HS6ST3: variants seen among roughly 807,000 people sequenced by gnomAD.
HS6ST3 encodes heparan-sulfate 6-O-sulfotransferase 3.
Under a neutral mutation model 36.7 loss-of-function variants are expected in HS6ST3, and 12 were observed. The ratio of observed to expected loss-of-function variants is 0.33; its 90% CI spans 0.21 to 0.53. The LOEUF is 0.53. HS6ST3 is among the 20% of genes least tolerant of loss of function. The pLI is 0.95. For synonymous variants in HS6ST3, 240 were observed against 257.5 expected, an observed-to-expected ratio of 0.93 and a Z score of 0.65; for missense variants, 584 against 640.9, an observed-to-expected ratio of 0.91 and a Z score of 0.96.
intron 1 of HS6ST3, among the ~76,000 whole-genome samples, chr13:96,540,200 C>A (rs9584376): frequency 0.094 from 14,336 of 152,246 alleles, 1,327 homozygotes; most frequent in African/African-American, 0.24. Context: ...TACTACCCAC[C>A]TAACTCTTTG....
At chr13:96,343,356 A>G (rs1318202327) in intron 1 of HS6ST3, among the ~76,000 whole-genome samples, 65 of 152,184 alleles carry the variant, frequency 4.3e-4, no homozygotes, top group Admixed American at 4.1e-3. Flanking sequence ...TGCCTTACCC[A>G]GCTTCTAGAG....
At chr13:96,468,683 A>G (rs1175313688) in intron 1 of HS6ST3, among the ~76,000 whole-genome samples, 2 of 152,206 alleles carry the variant, frequency 1.3e-5, no homozygotes, top group African/African-American at 4.8e-5. Context: ...ATAAACAACA[A>G]GAGAAATCTA....
At chr13:96,682,215 A>G (rs1449220824) in intron 1 of HS6ST3, among the ~76,000 whole-genome samples, 5 of 152,154 alleles carry the variant, frequency 3.3e-5, no homozygotes, top group Non-Finnish European at 7.4e-5. Context: ...ACATGCCTAT[A>G]TGCTTTTGTA....
chr13:96,454,915 A>G (rs2055747590), intron 1 of HS6ST3, among the ~76,000 whole-genome samples: 2 of 150,872 alleles, frequency 1.3e-5, no homozygotes, highest in Admixed American at 6.6e-5. Context: ...GCCAAGCAGA[A>G]GAGTATACAA....
chr13:96,532,293 T>A (rs1174024596), intron 1 of HS6ST3, among the ~76,000 whole-genome samples: 1 of 152,264 alleles, frequency 6.6e-6, no homozygotes, highest in Non-Finnish European at 1.5e-5. Context: ...CCTGCAACTG[T>A]ACTTTGATAT....
intron 1 of HS6ST3, among the ~76,000 whole-genome samples, chr13:96,689,639 T>C (rs1874888367): frequency 7.5e-6 from 1 of 133,958 alleles, no homozygotes; most frequent in Non-Finnish European, 1.6e-5. Flanking sequence ...TGTATGGAGA[T>C]TGGCATATGA....
At chr13:96,248,855 T>C (rs1375613805) in intron 1 of HS6ST3, among the ~76,000 whole-genome samples, 1 of 152,226 alleles carries the variant, frequency 6.6e-6, no homozygotes, top group African/African-American at 2.4e-5. Flanking sequence ...ATATACAATT[T>C]ATATAGTAGC....
At position 96,329,583 on chromosome 13, in the gene HS6ST3, AG is replaced by A. The variant is rs914667586; in HGVS notation, c.707+238016del. On this transcript the variant is annotated intron_variant, in intron 1 of 1. Coordinates refer to ENST00000376705, the MANE Select transcript of HS6ST3 (RefSeq NM_153456.4). The stretch of plus-strand genomic sequence containing the variant: ...AATCTCTGTTCTTTTAAATTTGCTG[AG>A]GAGAGCTTTACTTCCAAGTATGTGG... 6.4e-4 allele frequency among the ~76,000 whole-genome samples: 84 copies of A among 131,456 alleles called. 6 individuals are homozygous for A. Among genetic ancestry groups the A allele is most frequent in the Admixed American group, 5.1e-4 (7 of 13,622 alleles). 86.2% of individuals were successfully genotyped at this position (131,456 alleles called of 152,430 possible).
chr13:96,206,835 A>T (rs2054372924), intron 1 of HS6ST3, among the ~76,000 whole-genome samples: 1 of 152,210 alleles, frequency 6.6e-6, no homozygotes, highest in South Asian at 2.1e-4. Context: ...CTTAAATATA[A>T]AACCCAGAAC....
intron 1 of HS6ST3, among the ~76,000 whole-genome samples, chr13:96,094,723 T>G (rs2139291461): frequency 6.6e-6 from 1 of 152,224 alleles, no homozygotes. Flanking sequence ...ATTATGTGGG[T>G]CATGAAGGGG....
chr13:96,320,061 G>A, intron 1 of HS6ST3, among the ~76,000 whole-genome samples: 1 of 152,178 alleles, frequency 6.6e-6, no homozygotes, highest in Admixed American at 6.5e-5. Context: ...GCATGCTGGT[G>A]GAAAAGGGAA....
At chr13:96,482,086 T>C (rs2055892567) in intron 1 of HS6ST3, among the ~76,000 whole-genome samples, 1 of 152,206 alleles carries the variant, frequency 6.6e-6, no homozygotes, top group Non-Finnish European at 1.5e-5. Flanking sequence ...AAATGCTCTC[T>C]TGTCTTTCTC....
At chr13:96,790,075 A>G (rs532065786) in intron 1 of HS6ST3, among the ~76,000 whole-genome samples, 1 of 152,030 alleles carries the variant, frequency 6.6e-6, no homozygotes, top group Admixed American at 6.6e-5. Context: ...CTGTGAGTCC[A>G]CAAGGCACTG....
chr13:96,766,653 G>T (rs1877124658), intron 1 of HS6ST3, among the ~76,000 whole-genome samples: 1 of 151,944 alleles, frequency 6.6e-6, no homozygotes, highest in African/African-American at 2.4e-5. Context: ...CTTCCTTTGG[G>T]GTGTCACAGA....
At chr13:96,684,914 A>G (rs954630410) in intron 1 of HS6ST3, among the ~76,000 whole-genome samples, 4 of 152,132 alleles carry the variant, frequency 2.6e-5, no homozygotes, top group Admixed American at 6.6e-5. Flanking sequence ...TATATAATAC[A>G]TATATAATGC....
chr13:96,290,179 T>G (rs1485165470), intron 1 of HS6ST3, among the ~76,000 whole-genome samples: 1 of 151,972 alleles, frequency 6.6e-6, no homozygotes, highest in African/African-American at 2.4e-5. Flanking sequence ...GTTCCCATGT[T>G]CCCCATTGCG....
chr13:96,765,364 A>G (rs189533788), intron 1 of HS6ST3, among the ~76,000 whole-genome samples: 284 of 151,950 alleles, frequency 1.9e-3, no homozygotes, highest in African/African-American at 2.3e-3. Flanking sequence ...GAACCACCGC[A>G]CCCGGCCACA....
intron 1 of HS6ST3, among the ~76,000 whole-genome samples, chr13:96,350,791 G>A (rs1219309306): frequency 6.6e-6 from 1 of 152,154 alleles, no homozygotes; most frequent in Non-Finnish European, 1.5e-5. Flanking sequence ...TGAAGAGACA[G>A]GGTTTGCAAG....
chr13:96,717,451 CT>C (rs1261726696), intron 1 of HS6ST3, among the ~76,000 whole-genome samples: 2 of 152,164 alleles, frequency 1.3e-5, no homozygotes, highest in African/African-American at 4.8e-5. Context: ...CTTCCAAATA[CT>C]TTTTGAGAAT....
Sources: gnomAD v4.1 joint callset for allele counts (sites outside exome capture counted in the v4.1 genomes callset) on GRCh38, gnomAD v4.1.1 for gene constraint, MANE v1.5 for transcripts, NCBI Gene and HGNC (gene_info 2026-07-23, HGNC 2026-07-21) for gene names.